Variants in TTC7A observed in about 807,000 individuals in gnomAD.
TTC7A encodes the protein tetratricopeptide repeat domain 7A.
A neutral mutation model predicts 103.7 loss-of-function variants in TTC7A; 110 were observed. That is an observed-to-expected ratio of 1.06 (90% CI 0.91 to 1.24). TTC7A has a LOEUF of 1.24. Ranked by LOEUF, TTC7A falls within the 50% of genes most tolerant of loss-of-function variation. The pLI is 0.00. For missense variants in TTC7A, 1,340 were observed against 1,116.3 expected (o/e 1.20, Z -2.86); for synonymous variants, 521 against 467.9 (o/e 1.11, Z -1.47).
At chr2:47,058,050 C>T (rs1040843491) in intron 18 of TTC7A, among the ~76,000 whole-genome samples, 1 of 152,190 alleles carries the variant, frequency 6.6e-6, no homozygotes, top group Non-Finnish European at 1.5e-5. Context: ...TCAGATGCCC[C>T]AGCAGCAGCT....
chr2:46,957,077 C>T, intron 3 of TTC7A, 70 bp downstream of exon 3: 2 of 1,577,976 alleles, frequency 1.3e-6, no homozygotes, highest in Non-Finnish European at 1.7e-6. Context: ...TCCCAGGGCC[C>T]TGCTGGGCTC....
At chr2:46,930,895 G>A (rs762718888) in intron 2 of TTC7A, among the ~76,000 whole-genome samples, 32 of 151,906 alleles carry the variant, frequency 2.1e-4, no homozygotes, top group Non-Finnish European at 4.6e-4. Context: ...TGAACTCTTT[G>A]GAGAAAAGAA....
chr2:46,929,457 C>A (rs775185941), intron 2 of TTC7A, among the ~76,000 whole-genome samples: 91 of 152,108 alleles, frequency 6.0e-4, no homozygotes, highest in Non-Finnish European at 1.1e-3. Context: ...ACACTCCAGC[C>A]TGGGCAACAG....
chr2:47,048,693 C>T (rs1009375316), intron 16 of TTC7A, among the ~76,000 whole-genome samples: 1 of 152,170 alleles, frequency 6.6e-6, no homozygotes, highest in African/African-American at 2.4e-5. Flanking sequence ...GCCTCTGTCC[C>T]CTGGGCTTAA....
At chr2:46,945,962 G>A (rs1217852915) in intron 1 of TTC7A, among the ~76,000 whole-genome samples, 1 of 152,198 alleles carries the variant, frequency 6.6e-6, no homozygotes, top group African/African-American at 2.4e-5. Context: ...TGGCCTGGCT[G>A]GCTAGACCAA....
intron 19 of TTC7A, among the ~76,000 whole-genome samples, chr2:47,069,021 G>A (rs1424302301): frequency 6.6e-6 from 1 of 151,976 alleles, no homozygotes; most frequent in Non-Finnish European, 1.5e-5. Flanking sequence ...CTGTGACTGG[G>A]CCCCCTTCTC....
chr2:46,944,966 T>G, intron 1 of TTC7A, among the ~76,000 whole-genome samples: 1 of 152,236 alleles, frequency 6.6e-6, no homozygotes. Flanking sequence ...TGCATTTGAT[T>G]GTTAGGTTAG....
At chr2:46,987,998 G>A (rs769502500) in intron 5 of TTC7A, among the ~76,000 whole-genome samples, 7 of 152,172 alleles carry the variant, frequency 4.6e-5, no homozygotes, top group Non-Finnish European at 8.8e-5. Flanking sequence ...AGGGCTAGGG[G>A]AGGACAGGAG....
Position 47,024,344 on chromosome 2 carries a change from G to T in TTC7A, c.1626G>T (p.Leu542=), listed in dbSNP as rs753283869. Reference sequence around the variant, plus strand: ...TCATCCTCTATGTCTCGCTGCAGCTGGCCCTCGTCCGACAGGTGGGTTGTC... The same window carrying T: ...TCATCCTCTATGTCTCGCTGCAGCTTGCCCTCGTCCGACAGGTGGGTTGTC... ...PQVILYVSLQ[L]ALVRQISSAM... Residue 542 remains leucine, a synonymous_variant, in exon 14 of 20, where the codon CTG becomes CTT. Coordinates refer to ENST00000319190, the MANE Select transcript of TTC7A (RefSeq NM_020458.4). 6.2e-7 allele frequency: 1 copy of T among 1,606,738 alleles called. No homozygotes were observed. The highest frequency in any genetic ancestry group is 2.3e-5 in the East Asian group (1 of 43,576).
rs372978581 is a variant in TTC7A at position 46,993,457 on chromosome 2, G to C, written c.772G>C (p.Val258Leu). 1 of 1,614,062 alleles carries C rather than the reference G, an allele frequency of 6.2e-7. No individual in the cohort carries two copies. The highest frequency in any genetic ancestry group is 8.5e-7 in the Non-Finnish European group (1 of 1,180,006). Residue 258 changes from valine to leucine, a missense_variant, in exon 6 of 20, where the codon GTG becomes CTG. Coordinates refer to ENST00000319190, the MANE Select transcript of TTC7A (RefSeq NM_020458.4). Reference protein sequence around the residue: ...YVKNLKKGNIVKGMRELREVL... With the variant: ...YVKNLKKGNILKGMRELREVL... ...CTGCCGTCCTCCCACCAGGAACATC[G>C]TGAAGGGCATGAGAGAGCTCCGGGA...
Position 46,941,394 on chromosome 2 carries a change from C to CGCCGCCCGGGCCCCCGCT in TTC7A, c.-133_-116dup, listed in dbSNP as rs575062262. ...GCTGCTGCTGCTGCTGCCCACCCTC[C>CGCCGCCCGGGCCCCCGCT]GCCGCCCGGGCCCCCGCTGCCGCCC... On this transcript the variant is annotated 5_prime_UTR_variant, in exon 1 of 20. Coordinates refer to ENST00000319190, the MANE Select transcript of TTC7A (RefSeq NM_020458.4). The surrounding 1 kb of genome is among the most constrained non-coding windows in gnomAD (Gnocchi z 4.2). 1.7e-3 allele frequency: 1,187 copies of CGCCGCCCGGGCCCCCGCT among 711,078 alleles called. 3 individuals carry two copies. Among genetic ancestry groups the CGCCGCCCGGGCCCCCGCT allele is most frequent in the Non-Finnish European group, 1.9e-3 (1,030 of 536,430 alleles). The allele number at this position is 711,078 out of a possible 1,614,324, so 44.0% of individuals were successfully genotyped here. A position where few individuals can be genotyped will look rare whatever the true frequency, so the allele number is the denominator to read the frequency against.
chr2:47,063,909 G>C (rs1683983167), intron 19 of TTC7A, among the ~76,000 whole-genome samples: 2 of 152,248 alleles, frequency 1.3e-5, no homozygotes, highest in Non-Finnish European at 1.5e-5. Context: ...ATTGGCAAGT[G>C]CCAAGAGGCT....
chr2:47,023,355 C>G (rs1679501587), intron 12 of TTC7A, 53 bp from the exon 13 acceptor site: 1 of 1,594,720 alleles, frequency 6.3e-7, no homozygotes, highest in East Asian at 2.2e-5. Context: ...CAGGGCTGGG[C>G]CGGCACCCTT....
chr2:47,049,896 C>T lies in TTC7A; in HGVS notation c.1920-53C>T, dbSNP rs77908208. On this transcript the variant is annotated intron_variant, in intron 16 of 19. Transcript: ENST00000319190. ...TGCTGGCCCTCTACCTCACTGGGCC[C>T]TGTGATGCTAGCCCTCTACCTTACC... is the stretch of plus-strand genomic sequence containing the variant. 57,404 of 1,401,236 alleles carry T rather than the reference C, an allele frequency of 0.041. 1,935 individuals carry two copies. Among genetic ancestry groups the T allele is most frequent in the African/African-American group, 0.15 (10,742 of 70,864 alleles). The allele number at this position is 1,401,236 out of a possible 1,614,324, so 86.8% of individuals were successfully genotyped here. A position where few individuals can be genotyped will look rare whatever the true frequency, so the allele number is the denominator to read the frequency against.
chr2:46,954,259 A>C (rs554506217), intron 2 of TTC7A, among the ~76,000 whole-genome samples: 16 of 151,938 alleles, frequency 1.1e-4, no homozygotes, highest in African/African-American at 3.9e-4. Flanking sequence ...GCACAAAAGG[A>C]GTAGGTGATG....
In TTC7A at chr2:47,060,851, C is replaced by T; in HGVS notation, c.2235C>T (p.His745=). 6 of 1,614,176 alleles carry T rather than the reference C, an allele frequency of 3.7e-6. No individual in the cohort carries two copies. Among genetic ancestry groups the T allele is most frequent in the Non-Finnish European group, 5.1e-6 (6 of 1,179,998 alleles). Residue 745 remains histidine, a synonymous_variant, in exon 19 of 20, where the codon CAC becomes CAT. Coordinates refer to ENST00000319190, the MANE Select transcript of TTC7A (RefSeq NM_020458.4). ...CGGCGGGCCTCTTCCCCACTTCTCA[C>T]TCAGTACTCTATATGCGGGGCCGGC... ...QEAAGLFPTS[H]SVLYMRGRLA... is the part of the protein sequence containing the mutation.
intron 2 of TTC7A, among the ~76,000 whole-genome samples, chr2:46,928,477 A>C (rs1372817386): frequency 1.3e-5 from 2 of 151,402 alleles, no homozygotes; most frequent in Admixed American, 6.6e-5. Flanking sequence ...AAAAAAAAAA[A>C]AAAAAAAACT....
intron 15 of TTC7A, among the ~76,000 whole-genome samples, chr2:47,041,621 C>T (rs1041094944): frequency 3.3e-5 from 5 of 152,072 alleles, no homozygotes; most frequent in Non-Finnish European, 7.3e-5. Flanking sequence ...GGCCTGGTGG[C>T]GTATGCCTGT....
chr2:47,027,878 TGAA>T lies in TTC7A; in HGVS notation c.1642-1340_1642-1338del, dbSNP rs766014846. Among the ~76,000 whole-genome samples, 104 of 152,350 alleles carry T rather than the reference TGAA, an allele frequency of 6.8e-4. 1 individual carries two copies. The highest frequency in any genetic ancestry group is 9.7e-4 in the Non-Finnish European group (66 of 68,042). On this transcript the variant is annotated intron_variant, in intron 14 of 19. Coordinates refer to ENST00000319190, the MANE Select transcript of TTC7A (RefSeq NM_020458.4). ...AGTCACCAGGACTGGCAGCCTCTTT[TGAA>T]GAAGAGAGTTTATGTTGGTAACTGC...
Sources: gnomAD v4.1 joint callset for allele counts (sites outside exome capture counted in the v4.1 genomes callset) on GRCh38, gnomAD v4.1.1 for gene constraint, Gnocchi (gnomAD v3.1) non-coding constraint, MANE v1.5 for transcripts, NCBI Gene and HGNC (gene_info 2026-07-23, HGNC 2026-07-21) for gene names.